Variants in METTL22 observed in about 807,000 individuals in gnomAD.
The protein encoded by METTL22 is methyltransferase 22, Kin17 lysine, also known as methyltransferase-like protein 22.
A neutral mutation model predicts 48.4 loss-of-function variants in METTL22; 51 were observed. The observed-to-expected ratio is 1.05, with a 90% CI of 0.84 to 1.33. The LOEUF (loss-of-function observed/expected upper bound fraction) is 1.33. METTL22 is among the 40% of genes most tolerant of loss of function. METTL22 has a pLI of 0.00. For missense variants in METTL22, 678 were observed against 526.9 expected (o/e 1.29, Z -2.81); for synonymous variants, 255 against 214.1 (o/e 1.19, Z -1.67).
intron 3 of METTL22, among the ~76,000 whole-genome samples, chr16:8,630,217 G>A (rs1041826099): frequency 5.3e-5 from 8 of 152,084 alleles, no homozygotes; most frequent in African/African-American, 1.5e-4. Context: ...GTTACTAAGC[G>A]CCTCCACGGT....
rs1420102169 is a variant in METTL22 at position 8,642,560 on chromosome 16, G to C, written c.1005G>C (p.Glu335Asp). 1 of 1,614,170 alleles carries C rather than the reference G, an allele frequency of 6.2e-7. No individual in the cohort carries two copies. ...KNACTAILSVEKRLNFTLRHL... is the reference protein window; with the variant it reads ...KNACTAILSVDKRLNFTLRHL... The stretch of plus-strand genomic sequence containing the variant: ...CCTGCACAGCCATACTGTCGGTGGA[G>C]AAGAGGTGAGCTTTGCGCCACGGGA... The change falls in exon 9 of 11, where the codon GAG becomes GAC. Residue 335 changes from glutamate to aspartate, a missense_variant. Coordinates refer to ENST00000381920, the MANE Select transcript of METTL22 (RefSeq NM_024109.4).
the METTL22 span, chr16:8,666,794 T>G: frequency 6.6e-6 from 1 of 151,636 alleles, no homozygotes. Context: ...CTTTTTTTTT[T>G]TTTTTCTTTG....
chr16:8,636,315 A>C (rs1596350192), intron 5 of METTL22, among the ~76,000 whole-genome samples: 1 of 152,290 alleles, frequency 6.6e-6, no homozygotes, highest in Non-Finnish European at 1.5e-5. Context: ...CAGGCAGATC[A>C]CCTGAGGTCA....
intron 7 of METTL22, chr16:8,641,443 A>C (rs776934225): frequency 1.7e-6 from 1 of 593,672 alleles, no homozygotes; most frequent in South Asian, 1.5e-5. Context: ...TAATCCCTGA[A>C]TTGTGAGTGC....
intron 3 of METTL22, chr16:8,631,238 C>G (rs2056250505): frequency 6.6e-6 from 1 of 152,198 alleles, no homozygotes; most frequent in South Asian, 2.1e-4. Flanking sequence ...GTTTTCTTAA[C>G]TATTCCAAGG....
intron 5 of METTL22, among the ~76,000 whole-genome samples, chr16:8,638,144 T>C (rs772219306): frequency 6.6e-6 from 1 of 152,110 alleles, no homozygotes; most frequent in Non-Finnish European, 1.5e-5. Context: ...GAAACTCCGT[T>C]TCCAAAAAAC....
At chr16:8,651,386 C>CAAAAAAAA (rs768911703), downstream of METTL22, among the ~76,000 whole-genome samples, 68 of 49,058 alleles carry the variant, frequency 1.4e-3, 16 homozygotes, top group African/African-American at 3.8e-3. Flanking sequence ...GACTCTGTCT[C>CAAAAAAAA]AAAAAAAAAA....
intron 3 of METTL22, among the ~76,000 whole-genome samples, chr16:8,633,709 T>A (rs2056336210): frequency 6.6e-6 from 1 of 152,250 alleles, no homozygotes. Flanking sequence ...CCAGCCACCT[T>A]TTCCTCATCC....
chr16:8,633,314 G>A (rs1026861911), intron 3 of METTL22, among the ~76,000 whole-genome samples: 2 of 152,160 alleles, frequency 1.3e-5, no homozygotes, highest in African/African-American at 4.8e-5. Context: ...TGAAGAGCTA[G>A]AAAAGGCCGG....
At chr16:8,665,621 G>A in the METTL22 span, among the ~76,000 whole-genome samples, 11 of 152,304 alleles carry the variant, frequency 7.2e-5, no homozygotes, top group East Asian at 1.9e-3. Flanking sequence ...TTCACAGCAC[G>A]CTCAGTTTGT....
chr16:8,635,411 T>A, intron 5 of METTL22, 99 bp downstream of exon 5: 1 of 1,406,558 alleles, frequency 7.1e-7, no homozygotes, highest in Non-Finnish European at 9.4e-7. Flanking sequence ...AAATTGGATG[T>A]TAGCTGTTGT....
chr16:8,626,575 A>G (rs1246343966), intron 2 of METTL22, among the ~76,000 whole-genome samples: 1 of 149,324 alleles, frequency 6.7e-6, no homozygotes, highest in Non-Finnish European at 1.5e-5. Flanking sequence ...CAGCCTCCCG[A>G]GTAGCTGGGA....
Position 8,639,153 on chromosome 16 carries a change from G to T in METTL22, c.763G>T (p.Ala255Ser). ...CATTGCCCTCAACAGCCACCTGGCT[G>T]CCACTGGAGGTGAGGCCCAGGGGGT... Reference protein sequence around the residue: ...RNIALNSHLAATGGGIVRVKE... With the variant: ...RNIALNSHLASTGGGIVRVKE... Residue 255 changes from alanine to serine, a missense_variant, in exon 6 of 11, where the codon GCC becomes TCC. Coordinates refer to ENST00000381920, the MANE Select transcript of METTL22 (RefSeq NM_024109.4). The T allele has an allele frequency of 6.2e-7, 1 of 1,614,026 alleles. No homozygotes were observed. The highest frequency in any genetic ancestry group is 1.1e-5 in the South Asian group (1 of 91,078).
intron 3 of METTL22, chr16:8,631,312 A>G (rs868073684): frequency 2.2e-4 from 33 of 152,348 alleles, no homozygotes; most frequent in Middle Eastern, 3.4e-3. Flanking sequence ...CCAGGATTCA[A>G]AAGAAATTAT....
At chr16:8,652,227 T>G (rs1730979), downstream of METTL22, among the ~76,000 whole-genome samples, 150,140 of 152,024 alleles carry the variant, frequency 0.99, 74,171 homozygotes, top group Middle Eastern at 1. Flanking sequence ...GGGAGGCCAA[T>G]GTGGGAGGAT....
chr16:8,637,342 C>G (rs544587607), intron 5 of METTL22, among the ~76,000 whole-genome samples: 5 of 152,130 alleles, frequency 3.3e-5, no homozygotes, highest in Admixed American at 3.3e-4. Context: ...TATCAGTGAG[C>G]TCTTCTCAGA....
chr16:8,623,836 A>G (rs1018229488), intron 1 of METTL22: 1 of 152,196 alleles, frequency 6.6e-6, no homozygotes, highest in African/African-American at 2.4e-5. Flanking sequence ...CTGAGTCATG[A>G]TGACCTCATT....
the METTL22 span, among the ~76,000 whole-genome samples, chr16:8,660,890 G>A: frequency 7.2e-6 from 1 of 139,430 alleles, no homozygotes; most frequent in African/African-American, 2.6e-5. Context: ...GGAGGAGGAG[G>A]AGGAGGAGGA....
At chr16:8,626,712 G>A (rs1331582053) in intron 2 of METTL22, among the ~76,000 whole-genome samples, 7 of 148,064 alleles carry the variant, frequency 4.7e-5, no homozygotes. Flanking sequence ...GCCTCCCAAA[G>A]TGCTGGGATT....
Sources: allele counts gnomAD v4.1 joint callset (sites outside exome capture counted in the v4.1 genomes callset), GRCh38; gene constraint gnomAD v4.1.1; transcripts MANE v1.5; gene names NCBI Gene and HGNC (gene_info 2026-07-23, HGNC 2026-07-21).